SYT3: variants seen among roughly 807,000 people sequenced by gnomAD.
SYT3 encodes the protein synaptotagmin 3.
In SYT3, 25 loss-of-function variants were observed where a neutral mutation model predicts 50.6. The ratio of observed to expected loss-of-function variants is 0.49; its 90% CI spans 0.36 to 0.69. The LOEUF is 0.69. SYT3 is among the 30% of genes least tolerant of loss of function. The pLI, the probability that SYT3 is intolerant of heterozygous loss-of-function variation, is 0.00. For missense variants in SYT3, 589 were observed against 793.6 expected (o/e 0.74, Z 3.10); for synonymous variants, 323 against 353.9 (o/e 0.91, Z 0.98).
Position 50,625,669 on chromosome 19 carries a change from GC to G in SYT3, c.1403-106del. On this transcript the variant is annotated intron_variant, in intron 7 of 10. Transcript: ENST00000600079. This position sits in a 1 kb window ranked among gnomAD's most constrained non-coding sequence, Gnocchi z 7.5. ...CCTCCCTCAGACCCAGAGGTCCGGG[GC>G]CCCAGGCCCCCAGTCCCTCCTTCCT... is the stretch of plus-strand genomic sequence containing the variant. 1 of 1,420,368 alleles carries G rather than the reference GC, an allele frequency of 7.0e-7. No homozygotes were observed. 88.0% of individuals were successfully genotyped at this position (1,420,368 alleles called of 1,614,324 possible).
upstream of SYT3, among the ~76,000 whole-genome samples, chr19:50,640,799 T>C (rs182350100): frequency 6.6e-6 from 1 of 152,380 alleles, no homozygotes; most frequent in Admixed American, 6.5e-5. Context: ...CATTCAAAGC[T>C]GTCCTGTGCT....
chr19:50,629,907 C>T lies in SYT3; in HGVS notation c.939G>A (p.Ser313=), dbSNP rs184090671. 152 of 1,614,066 alleles carry T rather than the reference C, an allele frequency of 9.4e-5. No homozygotes were observed. Among genetic ancestry groups the T allele is most frequent in the East Asian group, 7.8e-4 (35 of 44,852 alleles). The part of the protein sequence containing the change: ...ISFALRYLYG[S]DQLVVRILQA... ...GCAGGATCCTCACCACCAGCTGGTC[C>T]GAGCCATAGAGGTACCGCAGGGCGA... The change falls in exon 5 of 11, where the codon TCG becomes TCA. Residue 313 remains serine, a synonymous_variant. Coordinates refer to ENST00000600079, the MANE Select transcript of SYT3 (RefSeq NM_001160329.2).
the SYT3 span, among the ~76,000 whole-genome samples, chr19:50,655,420 G>A: frequency 6.6e-6 from 1 of 152,162 alleles, no homozygotes; most frequent in East Asian, 1.9e-4. Flanking sequence ...GGAGGACGAG[G>A]CAGGAGGATC....
chr19:50,654,947 C>T, the SYT3 span, among the ~76,000 whole-genome samples: 1 of 152,136 alleles, frequency 6.6e-6, no homozygotes, highest in African/African-American at 2.4e-5. Flanking sequence ...AGAGTTCCTC[C>T]CATACTGTTG....
Position 50,639,461 on chromosome 19 carries a change from T to G in SYT3, c.-153-299A>C, listed in dbSNP as rs1599822372. On this transcript the variant is annotated intron_variant, in intron 1 of 10. Transcript: ENST00000600079. This position sits in a 1 kb window ranked among gnomAD's most constrained non-coding sequence, Gnocchi z 4.6. ...GTTTTGGGGGGTTAAGATGCTGGGG[T>G]CCCAAGACGCTTCAGGGGAGGGGAA... 6.7e-6 allele frequency among the ~76,000 whole-genome samples: 1 copy of G among 148,398 alleles called. No individual in the cohort carries two copies.
chr19:50,657,005 GA>G, the SYT3 span, among the ~76,000 whole-genome samples: 58 of 148,118 alleles, frequency 3.9e-4, no homozygotes, highest in African/African-American at 1.4e-3. Context: ...GGGAGGGAGG[GA>G]AAGGAAAGGA....
In SYT3 at chr19:50,625,146, T is replaced by A; in HGVS notation, c.1707+16A>T. 4 of 1,564,650 alleles carry A rather than the reference T, an allele frequency of 2.6e-6. No individual in the cohort carries two copies. The highest frequency in any genetic ancestry group is 3.4e-6 in the Non-Finnish European group (4 of 1,161,990). ...CACGGGTGCTTGTCAGGGGTCGGTG[T>A]GGGACCCCTACTCACCTCCACTAGC... On this transcript the variant is annotated intron_variant, in intron 9 of 10. Coordinates refer to ENST00000600079, the MANE Select transcript of SYT3 (RefSeq NM_001160329.2). This position sits in a 1 kb window ranked among gnomAD's most constrained non-coding sequence, Gnocchi z 7.5.
At chr19:50,634,351 A>G (rs1356874560) in intron 3 of SYT3, among the ~76,000 whole-genome samples, 1 of 152,200 alleles carries the variant, frequency 6.6e-6, no homozygotes, top group African/African-American at 2.4e-5. Flanking sequence ...ATATTAGGGG[A>G]CACACAGCAG....
At chr19:50,636,574 T>C (rs1984500523) in intron 3 of SYT3, among the ~76,000 whole-genome samples, 1 of 152,272 alleles carries the variant, frequency 6.6e-6, no homozygotes, top group Admixed American at 6.5e-5. Context: ...TTTCCTCATC[T>C]GGACAATGGC....
rs777995617 is a variant in SYT3, at chr19:50,625,964, G to C, written c.1335C>G (p.Ala445=). The C allele has an allele frequency of 1.9e-6, 3 of 1,614,088 alleles. No individual in the cohort carries two copies. The highest frequency in any genetic ancestry group is 2.2e-5 in the South Asian group (2 of 91,070). The change falls in exon 7 of 11, where the codon GCC becomes GCG. Residue 445 remains alanine (A), a synonymous_variant. Coordinates refer to ENST00000600079, the MANE Select transcript of SYT3 (RefSeq NM_001160329.2). This position sits in a 1 kb window ranked among gnomAD's most constrained non-coding sequence, Gnocchi z 7.5. Reference sequence around the variant, plus strand: ...TGATGATGGTCACGGTGAGGCGCCCGGCCGTGGGGAGGTAGCAGAGTGAGA... The same window carrying C: ...TGATGATGGTCACGGTGAGGCGCCCCGCCGTGGGGAGGTAGCAGAGTGAGA... ...LNFSLCYLPT[A]GRLTVTIIKA...
the SYT3 span, among the ~76,000 whole-genome samples, chr19:50,657,421 G>T: frequency 6.6e-6 from 1 of 152,142 alleles, no homozygotes; most frequent in African/African-American, 2.4e-5. Flanking sequence ...GCAATTTTAT[G>T]TGCTATGACA....
chr19:50,627,297 C>A (rs11670899), intron 6 of SYT3, among the ~76,000 whole-genome samples: 97,993 of 152,044 alleles, frequency 0.64, 33,253 homozygotes, highest in Non-Finnish European at 0.75. Flanking sequence ...CCCCCACAGC[C>A]CTGCAGAGGC....
intron 3 of SYT3, among the ~76,000 whole-genome samples, chr19:50,635,535 C>T (rs563987402): frequency 1.9e-4 from 29 of 152,270 alleles, no homozygotes; most frequent in East Asian, 9.6e-4. Context: ...GATCAGCTCC[C>T]GGGAGGGAAC....
rs1032771141 is a variant in SYT3, at chr19:50,637,402, C to G, written c.10G>C (p.Asp4His). 6.3e-7 allele frequency: 1 copy of G among 1,598,834 alleles called. No individual in the cohort carries two copies. Among genetic ancestry groups the G allele is most frequent in the East Asian group, 2.2e-5 (1 of 44,494 alleles). Residue 4 changes from aspartate to histidine, a missense_variant, in exon 3 of 11, where the codon GAC becomes CAC. Physicochemically the swap from Asp to His is moderately conservative, Grantham distance 81. Transcript: ENST00000600079. The surrounding 1 kb of genome is among the most constrained non-coding windows in gnomAD (Gnocchi z 4.9). MSG[D>H]YEDDLCRRAL... is the part of the protein sequence containing the mutation. ...CGCCGGCAGAGGTCATCCTCGTAGT[C>G]TCCTGACATGGTGGCCGTCTGGTCC...
rs1310910130 is a variant in SYT3 at position 50,625,154 on chromosome 19, C to T, written c.1707+8G>A. 1.3e-6 allele frequency: 2 copies of T among 1,579,944 alleles called. No homozygotes were observed. Among genetic ancestry groups the T allele is most frequent in the East Asian group, 2.2e-5 (1 of 44,468 alleles). ...CTTGTCAGGGGTCGGTGTGGGACCC[C>T]TACTCACCTCCACTAGCTGATGCCA... On this transcript the variant is annotated splice_region_variant and intron_variant, in intron 9 of 10. Transcript: ENST00000600079. This position sits in a 1 kb window ranked among gnomAD's most constrained non-coding sequence, Gnocchi z 7.5.
At chr19:50,647,387 G>A in the SYT3 span, among the ~76,000 whole-genome samples, 6 of 152,102 alleles carry the variant, frequency 3.9e-5, no homozygotes, top group South Asian at 1.2e-3. Flanking sequence ...ATGGAGGATG[G>A]GGCGGCCAGG....
At chr19:50,645,951 G>A in the SYT3 span, among the ~76,000 whole-genome samples, 1 of 152,152 alleles carries the variant, frequency 6.6e-6, no homozygotes, top group East Asian at 1.9e-4. Context: ...TCCAGAGACA[G>A]GTAGAGAGAA....
the SYT3 span, chr19:50,656,325 C>A: frequency 6.5e-7 from 1 of 1,536,178 alleles, no homozygotes; most frequent in South Asian, 1.2e-5. Context: ...CCCAGCCCCT[C>A]TGCCTCTGCA....
chr19:50,637,021 T>G lies in SYT3; in HGVS notation c.148+243A>C, dbSNP rs1045755521. 3.3e-5 allele frequency among the ~76,000 whole-genome samples: 5 copies of G among 152,038 alleles called. No homozygotes were observed. The highest frequency in any genetic ancestry group is 7.2e-5 in the African/African-American group (3 of 41,388). ...CATTTGCACAAGATGCAGAGAGATA[T>G]CTGAAGGGGGCATTTGGTGGTGGTA... is the stretch of plus-strand genomic sequence containing the variant. On this transcript the variant is annotated intron_variant, in intron 3 of 10. Transcript: ENST00000600079. The surrounding 1 kb of genome is among the most constrained non-coding windows in gnomAD (Gnocchi z 4.9).
Sources: allele counts gnomAD v4.1 joint callset (sites outside exome capture counted in the v4.1 genomes callset), GRCh38; gene constraint gnomAD v4.1.1; non-coding constraint Gnocchi (gnomAD v3.1); transcripts MANE v1.5; gene names NCBI Gene and HGNC (gene_info 2026-07-23, HGNC 2026-07-21).